The following MAPRE2 variants were observed in gnomAD, a reference collection of about 807,000 sequenced individuals.
The protein encoded by MAPRE2 is microtubule associated protein RP/EB family member 2, also known as microtubule-associated protein RP/EB family member 2.
Under a neutral mutation model 43.2 loss-of-function variants are expected in MAPRE2, and 13 were observed. The observed-to-expected ratio is 0.30, with a 90% CI of 0.20 to 0.48. MAPRE2 has a LOEUF of 0.48. Ranked by LOEUF, MAPRE2 falls within the 20% of genes least tolerant of loss-of-function variation. MAPRE2 has a pLI of 0.99. For synonymous variants in MAPRE2, 135 were observed against 148.8 expected (o/e 0.91, Z 0.68); for missense variants, 161 against 400.2 (o/e 0.40, Z 5.10).
chr18:35,002,225 C>T (rs961603518), intron 1 of MAPRE2, among the ~76,000 whole-genome samples: 4 of 152,208 alleles, frequency 2.6e-5, no homozygotes, highest in African/African-American at 9.7e-5. Flanking sequence ...TCTCACTCAA[C>T]CTAATTCTCT....
intron 1 of MAPRE2, among the ~76,000 whole-genome samples, chr18:35,046,509 T>A (rs1208078955): frequency 6.6e-6 from 1 of 152,170 alleles, no homozygotes; most frequent in African/African-American, 2.4e-5. Flanking sequence ...CCTGGCCAGG[T>A]GTGTTGGGCA....
intron 6 of MAPRE2, among the ~76,000 whole-genome samples, chr18:35,137,859 G>C (rs1910457515): frequency 6.6e-6 from 1 of 152,214 alleles, no homozygotes; most frequent in Non-Finnish European, 1.5e-5. Context: ...CTTCAGGGAG[G>C]AGTGACTTTC....
chr18:35,047,302 G>C (rs1331658445), intron 1 of MAPRE2, among the ~76,000 whole-genome samples: 1 of 152,110 alleles, frequency 6.6e-6, no homozygotes, highest in Admixed American at 6.5e-5. Flanking sequence ...CCATCTTTCA[G>C]CTAGCTGCCT....
intron 2 of MAPRE2, among the ~76,000 whole-genome samples, chr18:35,036,226 A>G (rs2097050516): frequency 6.6e-6 from 1 of 152,088 alleles, no homozygotes; most frequent in African/African-American, 2.4e-5. Flanking sequence ...GATTGCATCC[A>G]CATCCAATTA....
chr18:35,085,829 C>T (rs574836172), intron 2 of MAPRE2, among the ~76,000 whole-genome samples: 29 of 152,252 alleles, frequency 1.9e-4, no homozygotes, highest in African/African-American at 5.8e-4. Context: ...CAGAGTGTGA[C>T]GACATGTCAC....
chr18:35,132,630 G>A (rs1329899827), intron 6 of MAPRE2, among the ~76,000 whole-genome samples: 1 of 152,126 alleles, frequency 6.6e-6, no homozygotes, highest in African/African-American at 2.4e-5. Context: ...GGTTGTCTTG[G>A]TTACTCATTG....
chr18:35,105,776 T>G (rs1908876537), intron 4 of MAPRE2, among the ~76,000 whole-genome samples: 1 of 151,990 alleles, frequency 6.6e-6, no homozygotes, highest in South Asian at 2.1e-4. Context: ...AAAAAAAACT[T>G]AAAACCTTAC....
chr18:34,996,193 T>A (rs1290843807), intron 1 of MAPRE2, among the ~76,000 whole-genome samples: 2 of 152,222 alleles, frequency 1.3e-5, no homozygotes, highest in Non-Finnish European at 2.9e-5. Context: ...GATTATTTTG[T>A]GTTTATTACC....
chr18:35,073,803 A>G (rs547059729), intron 2 of MAPRE2, among the ~76,000 whole-genome samples: 2 of 152,308 alleles, frequency 1.3e-5, no homozygotes, highest in East Asian at 3.9e-4. Context: ...GCCTTTATGT[A>G]ACATCTAATT....
chr18:35,075,351 C>G (rs572207118), intron 2 of MAPRE2, among the ~76,000 whole-genome samples: 3 of 152,154 alleles, frequency 2.0e-5, no homozygotes, highest in Non-Finnish European at 4.4e-5. Flanking sequence ...ATCCCAGCCT[C>G]GTGTGTTGTC....
chr18:34,999,038 AG>A (rs2097028031), intron 1 of MAPRE2, among the ~76,000 whole-genome samples: 1 of 152,108 alleles, frequency 6.6e-6, no homozygotes, highest in African/African-American at 2.4e-5. Context: ...CATGGAAAGC[AG>A]GGCTTTAGTT....
At chr18:35,031,912 G>A (rs1337667836) in intron 2 of MAPRE2, among the ~76,000 whole-genome samples, 1 of 152,028 alleles carries the variant, frequency 6.6e-6, no homozygotes, top group African/African-American at 2.4e-5. Context: ...AAGGCCAGGA[G>A]GTATTTGCAT....
At position 35,088,242 on chromosome 18, in the gene MAPRE2, G is replaced by A. The variant is rs576289630; in HGVS notation, c.251-9204G>A. On this transcript the variant is annotated intron_variant, in intron 2 of 6. Coordinates refer to ENST00000300249, the MANE Select transcript of MAPRE2 (RefSeq NM_014268.4). ...CTACTTCATGTGGCATAGTAAGGGA[G>A]GACCTCTCTGAGGAGATGACATATA... Among the ~76,000 whole-genome samples the A allele has an allele frequency of 6.4e-3, 969 of 152,278 alleles. 8 individuals are homozygous for A. Among genetic ancestry groups the A allele is most frequent in the African/African-American group, 0.022 (933 of 41,566 alleles).
intron 3 of MAPRE2, among the ~76,000 whole-genome samples, chr18:35,099,478 A>C (rs938463242): frequency 6.6e-6 from 1 of 152,074 alleles, no homozygotes; most frequent in African/African-American, 2.4e-5. Flanking sequence ...TGCCAGGTGC[A>C]GTGGCACATA....
intron 2 of MAPRE2, among the ~76,000 whole-genome samples, chr18:35,073,104 G>C (rs1218264514): frequency 6.6e-6 from 1 of 151,928 alleles, no homozygotes; most frequent in Non-Finnish European, 1.5e-5. Flanking sequence ...GTATAGCCTA[G>C]AAATCTGAGT....
chr18:34,998,355 C>A (rs2097027579), intron 1 of MAPRE2, among the ~76,000 whole-genome samples: 1 of 130,216 alleles, frequency 7.7e-6, no homozygotes, highest in South Asian at 2.5e-4. Context: ...GAGATGGAGT[C>A]TCACTCTGTT....
chr18:35,017,540 C>T (rs1311749625), intron 2 of MAPRE2, among the ~76,000 whole-genome samples: 1 of 146,436 alleles, frequency 6.8e-6, no homozygotes, highest in Non-Finnish European at 1.5e-5. Flanking sequence ...AGATGTATCC[C>T]TAGGTTTTTT....
At chr18:35,112,389 T>C (rs1369711370) in intron 4 of MAPRE2, among the ~76,000 whole-genome samples, 1 of 152,138 alleles carries the variant, frequency 6.6e-6, no homozygotes, top group Non-Finnish European at 1.5e-5. Context: ...CAGGCTGGTT[T>C]TGAACTCTCA....
intron 1 of MAPRE2, among the ~76,000 whole-genome samples, chr18:34,991,070 G>C (rs1177473689): frequency 6.6e-6 from 1 of 152,060 alleles, no homozygotes; most frequent in African/African-American, 2.4e-5. Flanking sequence ...TTGTTACAAT[G>C]GTATATTGCA....
Sources: allele counts gnomAD v4.1 joint callset (sites outside exome capture counted in the v4.1 genomes callset), GRCh38; gene constraint gnomAD v4.1.1; transcripts MANE v1.5; gene names NCBI Gene and HGNC (gene_info 2026-07-23, HGNC 2026-07-21).